PKIB: variants seen among roughly 807,000 people sequenced by gnomAD.
PKIB encodes cAMP-dependent protein kinase inhibitor beta.
PKIB carries 2 observed loss-of-function variants against 4.5 expected under a neutral mutation model. That is an observed-to-expected ratio of 0.44 (90% CI 0.18 to 1.39). The LOEUF is 1.39. Ranked by LOEUF, PKIB falls within the 40% of genes most tolerant of loss-of-function variation. The probability of loss-of-function intolerance (pLI) is 0.27; values close to 1 mark genes in which losing one functional copy is unlikely to be tolerated. For missense variants in PKIB, 94 were observed against 92.6 expected, an observed-to-expected ratio of 1.02 and a Z score of -0.06; for synonymous variants, 38 against 36.0, an observed-to-expected ratio of 1.06 and a Z score of -0.20.
intron 2 of PKIB, among the ~76,000 whole-genome samples, chr6:122,502,139 T>C (rs552855777): frequency 6.6e-6 from 1 of 151,674 alleles, no homozygotes; most frequent in South Asian, 2.1e-4. Flanking sequence ...GGAATGTCTA[T>C]ATCACTATCA....
intron 3 of PKIB, among the ~76,000 whole-genome samples, chr6:122,706,171 C>G (rs1310129874): frequency 1.3e-5 from 2 of 152,168 alleles, no homozygotes; most frequent in Non-Finnish European, 2.9e-5. Context: ...TTTTGAGGCT[C>G]TGTGTGTGTT....
In PKIB at chr6:122,722,435, A is replaced by C. The variant is rs146940341; in HGVS notation, c.170-2693A>C. Among the ~76,000 whole-genome samples the C allele has an allele frequency of 3.8e-3, 572 of 152,224 alleles. 5 individuals are homozygous for C. Among genetic ancestry groups the C allele is most frequent in the African/African-American group, 0.012 (492 of 41,552 alleles). On this transcript the variant is annotated intron_variant, in intron 4 of 4. Coordinates refer to ENST00000368452, the MANE Select transcript of PKIB (RefSeq NM_181795.3). Reference sequence around the variant, plus strand: ...TTATCTTGAGTTCCTAGTTCATTTCACAGAAAGATAACAACTTAAGGGGAC... The same window carrying C: ...TTATCTTGAGTTCCTAGTTCATTTCCCAGAAAGATAACAACTTAAGGGGAC...
intron 2 of PKIB, chr6:122,644,847 C>A (rs1331965613): frequency 2.6e-5 from 4 of 152,212 alleles, no homozygotes; most frequent in African/African-American, 9.6e-5. Context: ...TGTTTTAAAT[C>A]AAGGCACATT....
chr6:122,532,727 T>C (rs1777296306), intron 2 of PKIB, among the ~76,000 whole-genome samples: 1 of 152,198 alleles, frequency 6.6e-6, no homozygotes, highest in Non-Finnish European at 1.5e-5. Flanking sequence ...TAATATCCCA[T>C]TGTATTTACA....
intron 2 of PKIB, among the ~76,000 whole-genome samples, chr6:122,537,971 A>G (rs368008921): frequency 2.6e-5 from 4 of 151,898 alleles, no homozygotes; most frequent in African/African-American, 4.8e-5. Flanking sequence ...CTGCATAAAT[A>G]TCTTCTTTTG....
chr6:122,497,408 C>T (rs1443262756), intron 2 of PKIB, among the ~76,000 whole-genome samples: 2 of 152,132 alleles, frequency 1.3e-5, no homozygotes, highest in Admixed American at 1.3e-4. Context: ...TATTCACACC[C>T]TACTTAGAAG....
At chr6:122,570,681 G>T (rs895653322) in intron 2 of PKIB, among the ~76,000 whole-genome samples, 4 of 152,014 alleles carry the variant, frequency 2.6e-5, no homozygotes, top group Non-Finnish European at 5.9e-5. Context: ...AATTAAATTA[G>T]CCTGCAATAA....
At chr6:122,546,456 G>A (rs1006077923) in intron 2 of PKIB, among the ~76,000 whole-genome samples, 2 of 152,014 alleles carry the variant, frequency 1.3e-5, no homozygotes, top group Admixed American at 1.3e-4. Context: ...CAACTTTTCT[G>A]CCTCAAAGCA....
chr6:122,668,367 C>T (rs1434409742), intron 2 of PKIB, among the ~76,000 whole-genome samples: 1 of 152,064 alleles, frequency 6.6e-6, no homozygotes, highest in African/African-American at 2.4e-5. Context: ...GATTCCTAAC[C>T]GATTTCTCTT....
intron 2 of PKIB, among the ~76,000 whole-genome samples, chr6:122,529,624 A>G (rs1219008266): frequency 1.3e-5 from 2 of 151,938 alleles, no homozygotes; most frequent in Non-Finnish European, 2.9e-5. Context: ...GTGGTAATGA[A>G]CTCCCTCACC....
intron 3 of PKIB, among the ~76,000 whole-genome samples, chr6:122,677,143 C>T (rs1340109885): frequency 6.6e-6 from 1 of 152,144 alleles, no homozygotes; most frequent in East Asian, 1.9e-4. Context: ...TCTTAGGTAA[C>T]TCTTATGAAA....
intron 2 of PKIB, among the ~76,000 whole-genome samples, chr6:122,542,686 T>C (rs1430697600): frequency 6.6e-6 from 1 of 152,124 alleles, no homozygotes; most frequent in South Asian, 2.1e-4. Flanking sequence ...GAGGAGGCAG[T>C]CTGCCTTTTC....
chr6:122,539,676 G>T (rs1470091484), intron 2 of PKIB, among the ~76,000 whole-genome samples: 2 of 151,914 alleles, frequency 1.3e-5, no homozygotes, highest in African/African-American at 4.8e-5. Context: ...GCTTTGGTAT[G>T]AGGATGATGC....
chr6:122,586,434 A>G (rs1426987028), intron 3 of PKIB, among the ~76,000 whole-genome samples: 1 of 152,034 alleles, frequency 6.6e-6, no homozygotes, highest in Non-Finnish European at 1.5e-5. Flanking sequence ...CGTTGTCTTT[A>G]TTTTGATTCA....
At chr6:122,578,981 G>A (rs1278691232) in intron 2 of PKIB, among the ~76,000 whole-genome samples, 1 of 152,094 alleles carries the variant, frequency 6.6e-6, no homozygotes, top group Non-Finnish European at 1.5e-5. Context: ...TGCCATGATT[G>A]CAAGTTTCCT....
intron 2 of PKIB, among the ~76,000 whole-genome samples, chr6:122,653,990 C>A (rs971264117): frequency 6.6e-6 from 1 of 152,088 alleles, no homozygotes; most frequent in Non-Finnish European, 1.5e-5. Flanking sequence ...AGGGTGGGGG[C>A]ATCCTAACAA....
chr6:122,678,610 T>A (rs1777776750), intron 3 of PKIB, among the ~76,000 whole-genome samples: 1 of 152,214 alleles, frequency 6.6e-6, no homozygotes, highest in Non-Finnish European at 1.5e-5. Flanking sequence ...AGTGCTTCTC[T>A]GTCCGAAGAG....
intron 3 of PKIB, among the ~76,000 whole-genome samples, chr6:122,687,937 C>CT (rs1156646358): frequency 0.011 from 1,599 of 148,218 alleles, 29 homozygotes; most frequent in African/African-American, 0.036. Flanking sequence ...TTTGGATGTC[C>CT]TTTTTTTTTT....
chr6:122,659,706 T>C (rs1380978665), intron 2 of PKIB, among the ~76,000 whole-genome samples: 1 of 152,174 alleles, frequency 6.6e-6, no homozygotes, highest in African/African-American at 2.4e-5. Context: ...ATTTAATAAC[T>C]CTCAGTCTTG....
Sources: allele counts gnomAD v4.1 joint callset (sites outside exome capture counted in the v4.1 genomes callset), GRCh38; gene constraint gnomAD v4.1.1; transcripts MANE v1.5; gene names NCBI Gene and HGNC (gene_info 2026-07-23, HGNC 2026-07-21).